Variants in DNAJC16 observed in about 807,000 individuals in gnomAD.
DNAJC16 encodes dnaJ homolog subfamily C member 16.
DNAJC16 carries 76 observed loss-of-function variants against 92.7 expected under a neutral mutation model. That is an observed-to-expected ratio of 0.82 (90% CI 0.68 to 0.99). The LOEUF (loss-of-function observed/expected upper bound fraction) is 0.99. Ranked by LOEUF, DNAJC16 falls within the 50% of genes least tolerant of loss-of-function variation. The probability of loss-of-function intolerance (pLI) is 0.00; values close to 1 mark genes in which losing one functional copy is unlikely to be tolerated. For missense variants in DNAJC16, 869 were observed against 942.4 expected, an observed-to-expected ratio of 0.92 and a Z score of 1.02; for synonymous variants, 328 against 358.7, an observed-to-expected ratio of 0.91 and a Z score of 0.97.
rs534993449 is a variant in DNAJC16, at chr1:15,536,735, G to A, written c.495G>A (p.Lys165=). 359 of 1,614,140 alleles carry A rather than the reference G, an allele frequency of 2.2e-4. 8 individuals carry two copies. In the South Asian group the frequency reaches 3.7e-3, roughly 16 times the overall value. The change falls in exon 4 of 15, where the codon AAG becomes AAA. Residue 165 remains lysine (K), a synonymous_variant. Coordinates refer to ENST00000375847, the MANE Select transcript of DNAJC16 (RefSeq NM_015291.4). The stretch of plus-strand genomic sequence containing the variant: ...GCTTCAAGAAACCCTACCTCATCAA[G>A]ATCACCTCCGATTGGTGCTTTAGCT... ...PDSFKKPYLI[K]ITSDWCFSCI...
intron 2 of DNAJC16, among the ~76,000 whole-genome samples, chr1:15,532,036 C>CTTT (rs1177514911): frequency 6.6e-6 from 1 of 152,176 alleles, no homozygotes; most frequent in East Asian, 1.9e-4. Flanking sequence ...TTTGACTTTA[C>CTTT]TTTTTCCCTT....
chr1:15,565,740 T>C (rs1017326407), intron 11 of DNAJC16, 179 bp from the exon 12 acceptor site: 3 of 642,382 alleles, frequency 4.7e-6, no homozygotes, highest in African/African-American at 3.6e-5. Context: ...ATTAGAACAC[T>C]GAGCAATCTC....
chr1:15,559,396 C>A, intron 7 of DNAJC16, 130 bp from the exon 8 acceptor site: 2 of 1,231,566 alleles, frequency 1.6e-6, no homozygotes, highest in East Asian at 2.4e-5. Context: ...TCAAACAGGT[C>A]TGTCTTGTTT....
intron 2 of DNAJC16, among the ~76,000 whole-genome samples, chr1:15,533,938 T>A (rs113595670): frequency 6.6e-6 from 1 of 152,166 alleles, no homozygotes; most frequent in East Asian, 1.9e-4. Context: ...TTAGCAGTGT[T>A]TGGGAGCAGT....
At chr1:15,552,617 GA>G (rs1242103303) in intron 7 of DNAJC16, among the ~76,000 whole-genome samples, 1 of 151,864 alleles carries the variant, frequency 6.6e-6, no homozygotes, top group Non-Finnish European at 1.5e-5. Flanking sequence ...AAGGAACACA[GA>G]TTTCTTCTTT....
At position 15,551,888 on chromosome 1, in the gene DNAJC16, G is replaced by A. The variant is rs1201118798; in HGVS notation, c.1023+3460G>A. Among the ~76,000 whole-genome samples, 8 of 151,730 alleles carry A rather than the reference G, an allele frequency of 5.3e-5. No individual in the cohort carries two copies. In the East Asian group the frequency reaches 5.8e-4, roughly 11 times the overall value. ...TCTCTACTAAAAATACAAAAAAGCCGGGTGTGGTGGCATGCACCTGTAATC... is the reference window on the plus strand; with the variant it reads ...TCTCTACTAAAAATACAAAAAAGCCAGGTGTGGTGGCATGCACCTGTAATC... On this transcript the variant is annotated intron_variant, in intron 7 of 14. Transcript: ENST00000375847.
At position 15,566,143 on chromosome 1, in the gene DNAJC16, G is replaced by C; in HGVS notation, c.1741G>C (p.Gly581Arg). 6.2e-7 allele frequency: 1 copy of C among 1,613,956 alleles called. No individual in the cohort carries two copies. Among genetic ancestry groups the C allele is most frequent in the Non-Finnish European group, 8.5e-7 (1 of 1,179,996 alleles). Residue 581 changes from glycine to arginine, a missense_variant, in exon 13 of 15, where the codon GGG becomes CGG. By Grantham distance (125) the Gly-to-Arg change is moderately radical. Transcript: ENST00000375847. ...PEKEEAQEKT[G>R]KTEPSFTKEN... The stretch of plus-strand genomic sequence containing the variant: ...AAAAGAGGAAGCCCAAGAGAAGACT[G>C]GGAAAACTGAGCCAAGCTTCACCAA...
At position 15,561,066 on chromosome 1, in the gene DNAJC16, C is replaced by T. The variant is rs74054778; in HGVS notation, c.1155-1076C>T. ...CCCTGACCAACCTGTCTGATGGAGC[C>T]TGGCTTCTACCCACTCTGGCCTCTC... On this transcript the variant is annotated intron_variant, in intron 8 of 14. Transcript: ENST00000375847. 4.9e-3 allele frequency among the ~76,000 whole-genome samples: 752 copies of T among 152,076 alleles called. 3 individuals are homozygous for T. Among genetic ancestry groups the T allele is most frequent in the African/African-American group, 0.017 (721 of 41,476 alleles).
intron 7 of DNAJC16, among the ~76,000 whole-genome samples, chr1:15,552,028 C>A (rs1438343803): frequency 6.3e-5 from 9 of 142,296 alleles, no homozygotes; most frequent in African/African-American, 7.7e-5. Flanking sequence ...GACTCTGTCT[C>A]AAAAAAAAAA....
At position 15,562,174 on chromosome 1, in the gene DNAJC16, C is replaced by T. The variant is rs760537691; in HGVS notation, c.1187C>T (p.Thr396Ile). 1 of 1,613,914 alleles carries T rather than the reference C, an allele frequency of 6.2e-7. No homozygotes were observed. The highest frequency in any genetic ancestry group is 1.1e-5 in the South Asian group (1 of 91,066). The change falls in exon 9 of 15, where the codon ACC becomes ATC. Residue 396 changes from threonine (T) to isoleucine (I), a missense_variant. Transcript: ENST00000375847. ...GTGGTTTTATTGACTGCTGAGACTA[C>T]CAAGTTGAGCAAACCCTTTGAGGCT... ...YCVVLLTAET[T>I]KLSKPFEAFL...
At chr1:15,538,959 C>G (rs1379215472) in intron 4 of DNAJC16, among the ~76,000 whole-genome samples, 1 of 152,164 alleles carries the variant, frequency 6.6e-6, no homozygotes, top group African/African-American at 2.4e-5. Flanking sequence ...TGTGCCATCC[C>G]CTAAGGCCTA....
In DNAJC16 at chr1:15,567,175, A is replaced by T; in HGVS notation, c.1855A>T (p.Arg619Trp). The change falls in exon 14 of 15, where the codon AGG becomes TGG. Residue 619 changes from arginine to tryptophan, a missense_variant. By Grantham distance (101) the Arg-to-Trp change is moderately radical. Transcript: ENST00000375847. The stretch of plus-strand genomic sequence containing the variant: ...ATACACCAGTAACTTGGTACGTCTG[A>T]GGCCAGGCCACATGAATGTGGTCCT... The part of the protein sequence containing the change: ...VTYTSNLVRL[R>W]PGHMNVVLIL... 6.2e-7 allele frequency: 1 copy of T among 1,614,164 alleles called. No homozygotes were observed. Among genetic ancestry groups the T allele is most frequent in the Non-Finnish European group, 8.5e-7 (1 of 1,179,966 alleles).
rs112127385 is a variant in DNAJC16, at chr1:15,533,413, G to A, written c.168-824G>A. ...AGGCCGAGACAGGTGGATCATTTGAGGTCAGGAGTTTGAGACCAGCCCAGC... is the reference window on the plus strand; with the variant it reads ...AGGCCGAGACAGGTGGATCATTTGAAGTCAGGAGTTTGAGACCAGCCCAGC... On this transcript the variant is annotated intron_variant, in intron 2 of 14. Coordinates refer to ENST00000375847, the MANE Select transcript of DNAJC16 (RefSeq NM_015291.4). 9.5e-3 allele frequency among the ~76,000 whole-genome samples: 1,453 copies of A among 152,290 alleles called. 23 individuals carry two copies. Among genetic ancestry groups the A allele is most frequent in the African/African-American group, 0.032 (1,333 of 41,556 alleles).
intron 8 of DNAJC16, among the ~76,000 whole-genome samples, chr1:15,561,380 A>C (rs1053673067): frequency 6.6e-6 from 1 of 152,130 alleles, no homozygotes; most frequent in African/African-American, 2.4e-5. Context: ...AACTAGGACA[A>C]ATAGTTTCTA....
In DNAJC16 at chr1:15,534,693, CAGAG is replaced by C. The variant is rs140083161; in HGVS notation, c.234+391_234+394del. On this transcript the variant is annotated intron_variant, in intron 3 of 14. Coordinates refer to ENST00000375847, the MANE Select transcript of DNAJC16 (RefSeq NM_015291.4). Reference sequence around the variant, plus strand: ...TGAGCAGAGATCGAGGCCTGGGTAACAGAGGGAGACCGTCTCAAAAAATAAAATA... The same window carrying C: ...TGAGCAGAGATCGAGGCCTGGGTAACGGAGACCGTCTCAAAAAATAAAATA... Among the ~76,000 whole-genome samples, 1,125 of 152,136 alleles carry C rather than the reference CAGAG, an allele frequency of 7.4e-3. 16 individuals carry two copies. The highest frequency in any genetic ancestry group is 0.025 in the African/African-American group (1,033 of 41,486).
chr1:15,546,921 T>C (rs750470452), intron 6 of DNAJC16, 50 bp downstream of exon 6: 116 of 1,328,440 alleles, frequency 8.7e-5, no homozygotes, highest in African/African-American at 5.2e-4. Flanking sequence ...TTTTCTTTTT[T>C]TTTTTTTTTT....
Position 15,568,148 on chromosome 1 carries a change from T to C in DNAJC16, c.2320T>C (p.Tyr774His). The C allele has an allele frequency of 1.2e-6, 2 of 1,613,506 alleles. No individual in the cohort carries two copies. Among genetic ancestry groups the C allele is most frequent in the African/African-American group, 1.3e-5 (1 of 75,028 alleles). The change falls in exon 15 of 15, where the codon TAT becomes CAT. Residue 774 changes from tyrosine (Y) to histidine (H), a missense_variant. Tyr to His is a moderately conservative substitution (Grantham distance 83, BLOSUM62 2). Transcript: ENST00000375847. Reference sequence around the variant, plus strand: ...GCTGGAGGGCTCCTTACAGAGGTTTTATATCCCATCATGGCCTGAACTAGA... The same window carrying C: ...GCTGGAGGGCTCCTTACAGAGGTTTCATATCCCATCATGGCCTGAACTAGA... ...RLLEGSLQRF[Y>H]IPSWPELD
chr1:15,529,303 A>G (rs1177976246), intron 2 of DNAJC16, 31 bp downstream of exon 2: 2 of 1,595,498 alleles, frequency 1.3e-6, no homozygotes, highest in East Asian at 4.5e-5. Flanking sequence ...GAGGTTTAAC[A>G]TAAGCTAAAC....
chr1:15,544,151 T>TAC (rs148744006), intron 4 of DNAJC16, among the ~76,000 whole-genome samples: 4,353 of 137,244 alleles, frequency 0.032, 128 homozygotes, highest in South Asian at 0.052. Context: ...TGTATATGCA[T>TAC]ACACACACAC....
Sources: gnomAD v4.1 joint callset for allele counts (sites outside exome capture counted in the v4.1 genomes callset) on GRCh38, gnomAD v4.1.1 for gene constraint, MANE v1.5 for transcripts, NCBI Gene and HGNC (gene_info 2026-07-23, HGNC 2026-07-21) for gene names.